GALNT17: variants seen among roughly 807,000 people sequenced by gnomAD.
GALNT17 encodes the protein UDP-GalNAc:polypeptide N-acetylgalactosaminyltransferase-like 3.
Under a neutral mutation model 63.7 loss-of-function variants are expected in GALNT17, and 29 were observed. That is an observed-to-expected ratio of 0.46 (90% confidence interval 0.34 to 0.62). The LOEUF is 0.62. GALNT17 is among the 20% of genes least tolerant of loss of function. GALNT17 has a pLI of 0.01. For synonymous variants in GALNT17, 305 were observed against 318.3 expected, an observed-to-expected ratio of 0.96 and a Z score of 0.45; for missense variants, 603 against 799.6, an observed-to-expected ratio of 0.75 and a Z score of 2.97.
At chr7:71,351,996 G>A (rs1370248203) in intron 2 of GALNT17, among the ~76,000 whole-genome samples, 2 of 152,104 alleles carry the variant, frequency 1.3e-5, no homozygotes, top group Non-Finnish European at 2.9e-5. Context: ...TCCGACTAGG[G>A]TGTGCCTAGT....
chr7:71,389,059 C>A (rs979035548), intron 3 of GALNT17, among the ~76,000 whole-genome samples: 2 of 152,138 alleles, frequency 1.3e-5, no homozygotes, highest in Non-Finnish European at 2.9e-5. Flanking sequence ...CCTGTCAGAT[C>A]AGCAGTAGCA....
chr7:71,146,586 T>TTCCCTCCCTTC (rs1361773759), intron 1 of GALNT17, among the ~76,000 whole-genome samples: 2 of 152,060 alleles, frequency 1.3e-5, no homozygotes, highest in African/African-American at 4.8e-5. Context: ...GCTCACTGCC[T>TTCCCTCCCTTC]TCCCTCCCTT....
At chr7:71,348,709 T>C (rs1276956634) in intron 2 of GALNT17, among the ~76,000 whole-genome samples, 1 of 152,236 alleles carries the variant, frequency 6.6e-6, no homozygotes, top group Non-Finnish European at 1.5e-5. Context: ...TTGCTTCTGC[T>C]GGCCTTTGAT....
chr7:71,647,343 T>A (rs1261984372), intron 6 of GALNT17, among the ~76,000 whole-genome samples: 1 of 151,848 alleles, frequency 6.6e-6, no homozygotes, highest in Non-Finnish European at 1.5e-5. Flanking sequence ...CACTGGGACC[T>A]GAGGCATAAG....
chr7:71,600,763 C>CTTT lies in GALNT17; in HGVS notation c.1080+29367_1080+29369dup, dbSNP rs71089964. Among the ~76,000 whole-genome samples the CTTT allele has an allele frequency of 3.2e-3, 485 of 151,524 alleles. 3 individuals are homozygous for CTTT. Among genetic ancestry groups the CTTT allele is most frequent in the African/African-American group, 0.011 (455 of 41,268 alleles). ...TTGTTTGTTTGTTTGTTTTTTCACTCTTTTTTTTATTTTTCCATAAGTTAT... is the reference window on the plus strand; with the variant it reads ...TTGTTTGTTTGTTTGTTTTTTCACTCTTTTTTTTTTTATTTTTCCATAAGTTAT... On this transcript the variant is annotated intron_variant, in intron 6 of 10. Coordinates refer to ENST00000333538, the MANE Select transcript of GALNT17 (RefSeq NM_022479.3).
At chr7:71,145,745 G>A (rs1263309644) in intron 1 of GALNT17, among the ~76,000 whole-genome samples, 1 of 152,078 alleles carries the variant, frequency 6.6e-6, no homozygotes, top group African/African-American at 2.4e-5. Context: ...CTCACTCGTT[G>A]CCCAGGCCGG....
intron 1 of GALNT17, among the ~76,000 whole-genome samples, chr7:71,279,035 C>T (rs1025731874): frequency 6.6e-6 from 1 of 151,912 alleles, no homozygotes; most frequent in African/African-American, 2.4e-5. Flanking sequence ...AAGCGATTCT[C>T]CTGCCTCAGC....
chr7:71,491,910 A>G (rs4577851), intron 5 of GALNT17, among the ~76,000 whole-genome samples: 18,135 of 152,044 alleles, frequency 0.12, 1,819 homozygotes, highest in East Asian at 0.55. Flanking sequence ...TAATCCCAGC[A>G]CTTTGGAGGC....
rs148662060 is a variant in GALNT17 at position 71,253,294 on chromosome 7, A to G, written c.239-82256A>G. On this transcript the variant is annotated intron_variant, in intron 1 of 10. Transcript: ENST00000333538. ...GCGGAAGGCAAAAGGCACATCTTAC[A>G]TGACAAGAGAGAATAAGAGCCAATT... Among the ~76,000 whole-genome samples, 1,412 of 152,250 alleles carry G rather than the reference A, an allele frequency of 9.3e-3. 44 individuals are homozygous for G. The highest frequency in any genetic ancestry group is 0.064 in the Admixed American group (979 of 15,278).
intron 1 of GALNT17, among the ~76,000 whole-genome samples, chr7:71,202,495 A>G (rs1562910867): frequency 6.6e-6 from 1 of 152,192 alleles, no homozygotes; most frequent in Non-Finnish European, 1.5e-5. Flanking sequence ...TTCTTTTTTA[A>G]AATGTAGTTG....
intron 1 of GALNT17, among the ~76,000 whole-genome samples, chr7:71,138,544 A>G (rs917327469): frequency 3.9e-5 from 6 of 152,224 alleles, no homozygotes; most frequent in African/African-American, 1.4e-4. Context: ...TCAACAGCAT[A>G]TTCTTTTTTT....
chr7:71,244,418 C>G (rs773248538), intron 1 of GALNT17, among the ~76,000 whole-genome samples: 5 of 152,146 alleles, frequency 3.3e-5, no homozygotes, highest in Non-Finnish European at 5.9e-5. Flanking sequence ...AGAAGAGAGC[C>G]TGATGGTCAG....
At chr7:71,326,260 C>A (rs1791702594) in intron 1 of GALNT17, among the ~76,000 whole-genome samples, 2 of 152,094 alleles carry the variant, frequency 1.3e-5, no homozygotes, top group Non-Finnish European at 2.9e-5. Flanking sequence ...GAGTTTGGGA[C>A]CTGCTTGGGC....
chr7:71,496,737 C>T (rs1280501845), intron 5 of GALNT17, among the ~76,000 whole-genome samples: 2 of 150,436 alleles, frequency 1.3e-5, no homozygotes, highest in East Asian at 4.0e-4. Flanking sequence ...TCAATTGAAC[C>T]GGCCTAAATA....
intron 5 of GALNT17, among the ~76,000 whole-genome samples, chr7:71,490,268 A>AG (rs1027883884): frequency 6.6e-6 from 1 of 151,824 alleles, no homozygotes; most frequent in African/African-American, 2.4e-5. Context: ...AAAAAAAAAA[A>AG]AAGAAGCATG....
chr7:71,343,851 A>C (rs903959498), intron 2 of GALNT17, among the ~76,000 whole-genome samples: 3 of 150,828 alleles, frequency 2.0e-5, no homozygotes, highest in African/African-American at 7.3e-5. Context: ...TAAATATATT[A>C]CATTTTATGC....
At chr7:71,647,099 C>G (rs894247135) in intron 6 of GALNT17, among the ~76,000 whole-genome samples, 4 of 151,768 alleles carry the variant, frequency 2.6e-5, no homozygotes, top group Non-Finnish European at 5.9e-5. Flanking sequence ...GAGTCTCGCT[C>G]TGTTACCCAG....
chr7:71,472,345 G>A (rs965699084), intron 5 of GALNT17, among the ~76,000 whole-genome samples: 2 of 152,216 alleles, frequency 1.3e-5, no homozygotes, highest in African/African-American at 4.8e-5. Flanking sequence ...TGTGGAAGAT[G>A]TTTACTGAAC....
At chr7:71,181,901 C>T (rs534434856) in intron 1 of GALNT17, among the ~76,000 whole-genome samples, 56 of 150,548 alleles carry the variant, frequency 3.7e-4, no homozygotes, top group Non-Finnish European at 4.0e-4. Context: ...AAAAGGCTGG[C>T]GCGGTGGCTC....
Sources: allele counts gnomAD v4.1 joint callset (sites outside exome capture counted in the v4.1 genomes callset), GRCh38; gene constraint gnomAD v4.1.1; transcripts MANE v1.5; gene names NCBI Gene and HGNC (gene_info 2026-07-23, HGNC 2026-07-21).